Variants in PRELID3A observed in about 807,000 individuals in gnomAD.
PRELID3A encodes the protein PRELI domain containing 3A.
Under a neutral mutation model 23.0 loss-of-function variants are expected in PRELID3A, and 27 were observed. That is an observed-to-expected ratio of 1.17 (90% CI 0.87 to 1.62). PRELID3A has a LOEUF of 1.62. PRELID3A is among the 40% of genes most tolerant of loss of function. The probability of loss-of-function intolerance (pLI) is 0.00; values close to 1 mark genes in which losing one functional copy is unlikely to be tolerated. For missense variants in PRELID3A, 231 were observed against 231.4 expected (o/e 1.00, Z 0.01); for synonymous variants, 87 against 86.4 (o/e 1.01, Z -0.04).
chr18:12,428,696 G>A (rs922084338), intron 5 of PRELID3A, among the ~76,000 whole-genome samples: 1 of 152,222 alleles, frequency 6.6e-6, no homozygotes, highest in Non-Finnish European at 1.5e-5. Flanking sequence ...GAAGGCCAAA[G>A]GGGGAGAGCT....
At chr18:12,424,826 G>A (rs1388279595) in intron 3 of PRELID3A, among the ~76,000 whole-genome samples, 1 of 152,222 alleles carries the variant, frequency 6.6e-6, no homozygotes, top group Non-Finnish European at 1.5e-5. Flanking sequence ...CCAGCAACAT[G>A]TGGCTATTTA....
At chr18:12,412,700 A>G (rs946816685) in intron 1 of PRELID3A, among the ~76,000 whole-genome samples, 1 of 152,204 alleles carries the variant, frequency 6.6e-6, no homozygotes, top group Non-Finnish European at 1.5e-5. Flanking sequence ...ACTTAGGCCA[A>G]TGGATTTCAA....
chr18:12,426,609 G>A lies in PRELID3A; in HGVS notation c.292-432G>A, dbSNP rs113792774. 7.2e-3 allele frequency among the ~76,000 whole-genome samples: 1,085 copies of A among 149,880 alleles called. 12 individuals are homozygous for A. Among genetic ancestry groups the A allele is most frequent in the African/African-American group, 0.024 (977 of 40,716 alleles). On this transcript the variant is annotated intron_variant, in intron 3 of 6. Coordinates refer to ENST00000440960, the MANE Select transcript of PRELID3A (RefSeq NM_001142405.2). The stretch of plus-strand genomic sequence containing the variant: ...AGGAGTTAGTCTGTTTATAGGAAGC[G>A]GTACTGGAGGAGACAAGAACCCTGC...
At chr18:12,430,124 G>A (rs889699631) in intron 6 of PRELID3A, among the ~76,000 whole-genome samples, 24 of 152,296 alleles carry the variant, frequency 1.6e-4, no homozygotes, top group African/African-American at 4.8e-4. Context: ...TAAGAACTTC[G>A]TGCTGATTTT....
intron 3 of PRELID3A, among the ~76,000 whole-genome samples, chr18:12,423,068 C>T (rs1162745399): frequency 6.6e-6 from 1 of 152,212 alleles, no homozygotes; most frequent in African/African-American, 2.4e-5. Flanking sequence ...AGCAGGAGCT[C>T]CCCTAAGTGG....
intron 1 of PRELID3A, among the ~76,000 whole-genome samples, chr18:12,411,855 G>C (rs916275448): frequency 5.9e-5 from 9 of 152,034 alleles, no homozygotes; most frequent in African/African-American, 2.2e-4. Flanking sequence ...CTATATTCCA[G>C]AGGTTCACTT....
intron 3 of PRELID3A, among the ~76,000 whole-genome samples, chr18:12,422,771 G>A (rs902358797): frequency 2.0e-5 from 3 of 152,162 alleles, no homozygotes; most frequent in Non-Finnish European, 4.4e-5. Flanking sequence ...ATATGCATGG[G>A]CTAGCAAAAT....
At position 12,408,049 on chromosome 18, in the gene PRELID3A, C is replaced by T. The variant is rs1250766691; in HGVS notation, c.32+42C>T. ...GGCCGCGGTGGGGCCGTCCAGACGC[C>T]GGCTCCTGCTCCCGAGCCCGGCTGG... On this transcript the variant is annotated intron_variant, in intron 1 of 6. Transcript: ENST00000440960. 3.2e-6 allele frequency: 4 copies of T among 1,243,134 alleles called. No individual in the cohort carries two copies. In the South Asian group the frequency reaches 1.4e-4, roughly 43 times the overall value. 77.0% of individuals were successfully genotyped at this position (1,243,134 alleles called of 1,614,324 possible).
intron 2 of PRELID3A, 136 bp from the exon 3 acceptor site, chr18:12,421,404 T>C: frequency 1.5e-6 from 1 of 650,944 alleles, no homozygotes; most frequent in Admixed American, 2.5e-5. Context: ...CACAGGGGTT[T>C]TGTCTCTGTC....
chr18:12,422,525 AT>A (rs1455199026), intron 3 of PRELID3A, among the ~76,000 whole-genome samples: 9 of 151,736 alleles, frequency 5.9e-5, no homozygotes, highest in Non-Finnish European at 1.3e-4. Context: ...CACCTGGCTA[AT>A]TTTTGTATTT....
rs1598865562 is a variant in PRELID3A, at chr18:12,427,436, T to A, written c.465+113T>A. On this transcript the variant is annotated intron_variant, in intron 5 of 6. Transcript: ENST00000440960. ...TCCTGGCTGGGCATGGTGGCTCATG[T>A]CTGTAATCCTAGCACTTTGGGAGGC... 5 of 845,522 alleles carry A rather than the reference T, an allele frequency of 5.9e-6. No individual in the cohort carries two copies. The East Asian group carries it at 1.3e-4, about 22-fold the overall frequency. The allele number at this position is 845,522 out of a possible 1,614,324, so 52.4% of individuals were successfully genotyped here. A position where few individuals can be genotyped will look rare whatever the true frequency, so the allele number is the denominator to read the frequency against.
At chr18:12,410,526 G>T (rs1254853197) in intron 1 of PRELID3A, among the ~76,000 whole-genome samples, 2 of 152,164 alleles carry the variant, frequency 1.3e-5, no homozygotes, top group African/African-American at 4.8e-5. Flanking sequence ...GTACAAATTG[G>T]AAGTCTGGCT....
Position 12,418,384 on chromosome 18 carries a change from T to C in PRELID3A, c.33-1941T>C, listed in dbSNP as rs144818526. On this transcript the variant is annotated intron_variant, in intron 1 of 6. Transcript: ENST00000440960. ...TATTCCTGAAAATGGCTTCATGATA[T>C]AGGAAAATGTTTATCAGCAGTTATA... Among the ~76,000 whole-genome samples, 386 of 152,292 alleles carry C rather than the reference T, an allele frequency of 2.5e-3. 4 individuals are homozygous for C. The highest frequency in any genetic ancestry group is 8.9e-3 in the African/African-American group (371 of 41,556).
At chr18:12,429,057 C>A (rs1487165796) in intron 5 of PRELID3A, among the ~76,000 whole-genome samples, 1 of 152,120 alleles carries the variant, frequency 6.6e-6, no homozygotes. Context: ...TCCTGGCCTC[C>A]TGGGGCAGCC....
In PRELID3A at chr18:12,427,045, C is replaced by G; in HGVS notation, c.296C>G (p.Thr99Arg). ...AACCTTTTTTTTCTTTTTAAGATCA[C>G]ACTCACAAATTTGGTGTCAGTTAAT... ...KKMELCSTNITLTNLVSVNER... is the reference protein window; with the variant it reads ...KKMELCSTNIRLTNLVSVNER... The change falls in exon 4 of 7, where the codon ACA (threonine) becomes AGA (arginine). Residue 99 changes from threonine (T) to arginine (R), a missense_variant. By Grantham distance (71) the Thr-to-Arg change is moderately conservative (BLOSUM62 -1). Transcript: ENST00000440960. 1 of 1,610,062 alleles carries G rather than the reference C, an allele frequency of 6.2e-7. No individual in the cohort carries two copies. The highest frequency in any genetic ancestry group is 1.1e-5 in the South Asian group (1 of 90,996).
chr18:12,425,900 A>G (rs1333892105), intron 3 of PRELID3A, among the ~76,000 whole-genome samples: 3 of 151,902 alleles, frequency 2.0e-5, no homozygotes, highest in African/African-American at 7.3e-5. Flanking sequence ...TGATCACACC[A>G]CTGCACTCCA....
intron 1 of PRELID3A, chr18:12,420,120 A>G (rs1307737055): frequency 1.4e-6 from 2 of 1,420,604 alleles, no homozygotes; most frequent in East Asian, 5.1e-5. Flanking sequence ...AACAAAAACC[A>G]AGGGGCTGCC....
Position 12,407,960 on chromosome 18 carries a change from C to G in PRELID3A, c.-16C>G. 7.7e-7 allele frequency: 1 copy of G among 1,295,356 alleles called. No individual in the cohort carries two copies. The highest frequency in any genetic ancestry group is 4.0e-5 in the Admixed American group (1 of 25,130). 80.2% of individuals were successfully genotyped at this position (1,295,356 alleles called of 1,614,324 possible). A position where few individuals can be genotyped will look rare whatever the true frequency, so the allele number is the denominator to read the frequency against. On this transcript the variant is annotated 5_prime_UTR_variant, in exon 1 of 7. Coordinates refer to ENST00000440960, the MANE Select transcript of PRELID3A (RefSeq NM_001142405.2). The stretch of plus-strand genomic sequence containing the variant: ...CCCGGCCCGGATCGCAGAGCCCGCG[C>G]CCTGCGCCGGCGGCAATGAAGATCT...
Position 12,427,286 on chromosome 18 carries a change from G to A in PRELID3A, c.428G>A (p.Ser143Asn). 1 of 1,614,006 alleles carries A rather than the reference G, an allele frequency of 6.2e-7. No homozygotes were observed. The highest frequency in any genetic ancestry group is 1.1e-5 in the South Asian group (1 of 91,080). ...KGISLGSYLE[S>N]LMANTISSNA... ...ATTAGCCTTGGTAGTTATTTGGAAAGTTTAATGGCCAATACGATATCATCC... is the reference window on the plus strand; with the variant it reads ...ATTAGCCTTGGTAGTTATTTGGAAAATTTAATGGCCAATACGATATCATCC... Residue 143 changes from serine to asparagine, a missense_variant, in exon 5 of 7, where the codon AGT becomes AAT. Transcript: ENST00000440960.
Sources: gnomAD v4.1 joint callset for allele counts (sites outside exome capture counted in the v4.1 genomes callset) on GRCh38, gnomAD v4.1.1 for gene constraint, MANE v1.5 for transcripts, NCBI Gene and HGNC (gene_info 2026-07-23, HGNC 2026-07-21) for gene names.